GPR158: variants seen among roughly 807,000 people sequenced by gnomAD.
GPR158 encodes the protein G protein-coupled receptor 158.
GPR158 carries 30 observed loss-of-function variants against 78.2 expected under a neutral mutation model. That is an observed-to-expected ratio of 0.38 (90% CI 0.29 to 0.52). The LOEUF (loss-of-function observed/expected upper bound fraction) is 0.52, where lower values mean the gene tolerates loss of function less well. Ranked by LOEUF, GPR158 falls within the 20% of genes least tolerant of loss-of-function variation. The pLI is 0.83. For synonymous variants in GPR158, 581 were observed against 591.1 expected, an observed-to-expected ratio of 0.98 and a Z score of 0.25; for missense variants, 1,463 against 1,523.5, an observed-to-expected ratio of 0.96 and a Z score of 0.66.
At chr10:25,323,027 T>C (rs1285420413) in intron 2 of GPR158, among the ~76,000 whole-genome samples, 1 of 152,064 alleles carries the variant, frequency 6.6e-6, no homozygotes, top group Non-Finnish European at 1.5e-5. Flanking sequence ...TTTGTATTTT[T>C]AGTGACATGG....
intron 6 of GPR158, among the ~76,000 whole-genome samples, chr10:25,560,570 T>C (rs1440132616): frequency 6.6e-6 from 1 of 152,224 alleles, no homozygotes; most frequent in East Asian, 1.9e-4. Context: ...CATCCTAAAA[T>C]ATTGTTTTTA....
At chr10:25,265,221 T>A (rs569846682) in intron 2 of GPR158, among the ~76,000 whole-genome samples, 82 of 152,314 alleles carry the variant, frequency 5.4e-4, no homozygotes, top group African/African-American at 1.9e-3. Flanking sequence ...CTGTGGTTGG[T>A]TCTGAACAAC....
At chr10:25,529,336 G>T (rs1422628549) in intron 5 of GPR158, among the ~76,000 whole-genome samples, 1 of 151,986 alleles carries the variant, frequency 6.6e-6, no homozygotes. Context: ...GCAGTAAGCC[G>T]AGATTGCACC....
chr10:25,501,136 T>TC (rs1443346223), intron 5 of GPR158, among the ~76,000 whole-genome samples: 6 of 151,748 alleles, frequency 4.0e-5, no homozygotes, highest in Non-Finnish European at 8.8e-5. Flanking sequence ...GTAGGAGAAA[T>TC]CCCCCGGGTC....
intron 5 of GPR158, among the ~76,000 whole-genome samples, chr10:25,546,338 A>G (rs778339735): frequency 6.6e-6 from 1 of 152,140 alleles, no homozygotes; most frequent in Non-Finnish European, 1.5e-5. Context: ...GTATCCAAAG[A>G]GTCAAGGCAA....
chr10:25,551,393 G>T (rs1588908786), intron 6 of GPR158, among the ~76,000 whole-genome samples: 1 of 152,126 alleles, frequency 6.6e-6, no homozygotes. Flanking sequence ...GAATACAAAG[G>T]TAATACAGCT....
At chr10:25,394,897 G>A (rs1388381898) in intron 2 of GPR158, among the ~76,000 whole-genome samples, 1 of 151,886 alleles carries the variant, frequency 6.6e-6, no homozygotes, top group East Asian at 1.9e-4. Context: ...TTATCTCAAG[G>A]GCTTCTGAAA....
rs1754285 is a variant in GPR158, at chr10:25,432,422, A to G, written c.1335+19949A>G. On this transcript the variant is annotated intron_variant, in intron 4 of 10. Coordinates refer to ENST00000376351, the MANE Select transcript of GPR158 (RefSeq NM_020752.3). Reference sequence around the variant, plus strand: ...GAATTAAAAGTGCATGGTCGTTTCAATTCTAGAAGTCTGTACTAAACATAT... The same window carrying G: ...GAATTAAAAGTGCATGGTCGTTTCAGTTCTAGAAGTCTGTACTAAACATAT... 3.5e-4 allele frequency among the ~76,000 whole-genome samples: 53 copies of G among 151,874 alleles called. No individual in the cohort carries two copies. In the East Asian group the frequency reaches 9.7e-3, roughly 28 times the overall value.
intron 4 of GPR158, among the ~76,000 whole-genome samples, chr10:25,444,226 A>G (rs1408712198): frequency 2.7e-5 from 4 of 147,786 alleles, no homozygotes; most frequent in African/African-American, 1.0e-4. Flanking sequence ...GAGAGCAGGA[A>G]TAATGGGGGG....
In GPR158 at chr10:25,438,325, T is replaced by A. The variant is rs185989485; in HGVS notation, c.1335+25852T>A. Among the ~76,000 whole-genome samples, 8 of 152,328 alleles carry A rather than the reference T, an allele frequency of 5.3e-5. No homozygotes were observed. The East Asian group carries it at 1.2e-3, about 22-fold the overall frequency. The stretch of plus-strand genomic sequence containing the variant: ...GATCGGGTTGGTTTCTCTGAAGTTC[T>A]AATCAAAGGAAGAAGAGGCAAAAAA... On this transcript the variant is annotated intron_variant, in intron 4 of 10. Coordinates refer to ENST00000376351, the MANE Select transcript of GPR158 (RefSeq NM_020752.3).
At chr10:25,410,115 A>G (rs1588849667) in intron 3 of GPR158, among the ~76,000 whole-genome samples, 1 of 152,214 alleles carries the variant, frequency 6.6e-6, no homozygotes, top group South Asian at 2.1e-4. Context: ...CCTGTATAGC[A>G]TCTCCCTCTG....
At chr10:25,263,304 A>G (rs1291134723) in intron 2 of GPR158, among the ~76,000 whole-genome samples, 1 of 151,984 alleles carries the variant, frequency 6.6e-6, no homozygotes, top group Non-Finnish European at 1.5e-5. Flanking sequence ...TCTTTGTTGT[A>G]TTGCTTTCGC....
intron 2 of GPR158, among the ~76,000 whole-genome samples, chr10:25,276,474 TGAG>T (rs1435165503): frequency 6.6e-5 from 10 of 152,184 alleles, no homozygotes; most frequent in Admixed American, 5.2e-4. Context: ...ATAGCTCACT[TGAG>T]GAGTTAATTA....
chr10:25,246,242 G>A (rs2130714177), intron 2 of GPR158, among the ~76,000 whole-genome samples: 1 of 152,254 alleles, frequency 6.6e-6, no homozygotes, highest in South Asian at 2.1e-4. Flanking sequence ...GATAGTCACT[G>A]TAGAATACAA....
intron 2 of GPR158, among the ~76,000 whole-genome samples, chr10:25,233,718 T>C (rs1305415518): frequency 6.6e-6 from 1 of 152,206 alleles, no homozygotes; most frequent in Non-Finnish European, 1.5e-5. Context: ...TTAAAAGTAT[T>C]TTCATAGTAA....
At chr10:25,229,199 C>T (rs1357494901) in intron 2 of GPR158, among the ~76,000 whole-genome samples, 1 of 152,010 alleles carries the variant, frequency 6.6e-6, no homozygotes, top group Non-Finnish European at 1.5e-5. Context: ...GGGAAGAAGA[C>T]GATGGAGAAA....
At chr10:25,506,258 A>G (rs952810788) in intron 5 of GPR158, among the ~76,000 whole-genome samples, 4 of 152,180 alleles carry the variant, frequency 2.6e-5, no homozygotes, top group Non-Finnish European at 5.9e-5. Flanking sequence ...AGATAATAAG[A>G]TATGCTGTCC....
chr10:25,548,527 A>G (rs1836692647), intron 5 of GPR158, among the ~76,000 whole-genome samples: 1 of 152,180 alleles, frequency 6.6e-6, no homozygotes, highest in African/African-American at 2.4e-5. Context: ...GCTTCAATAT[A>G]TTTCCAAGAT....
At chr10:25,394,275 G>A (rs1457636296) in intron 2 of GPR158, among the ~76,000 whole-genome samples, 1 of 152,206 alleles carries the variant, frequency 6.6e-6, no homozygotes, top group African/African-American at 2.4e-5. Context: ...ATTAAAGACA[G>A]TAAGGCTCAG....
Sources: allele counts gnomAD v4.1 joint callset (sites outside exome capture counted in the v4.1 genomes callset), GRCh38; gene constraint gnomAD v4.1.1; transcripts MANE v1.5; gene names NCBI Gene and HGNC (gene_info 2026-07-23, HGNC 2026-07-21).